ADAM12: variants seen among roughly 807,000 people sequenced by gnomAD.
ADAM12 encodes ADAM metallopeptidase domain 12.
Under a neutral mutation model 106.4 loss-of-function variants are expected in ADAM12, and 70 were observed. The ratio of observed to expected loss-of-function variants is 0.66; its 90% CI spans 0.54 to 0.80. ADAM12 has a LOEUF of 0.80. Among genes scored for constraint, ADAM12 ranks in the 30% least tolerant of loss-of-function variants. ADAM12 has a pLI of 0.00. For synonymous variants in ADAM12, 420 were observed against 433.5 expected (o/e 0.97, Z 0.39); for missense variants, 1,010 against 1,171.9 (o/e 0.86, Z 2.02).
At chr10:126,128,111 G>A (rs1209041759) in intron 5 of ADAM12, among the ~76,000 whole-genome samples, 1 of 152,154 alleles carries the variant, frequency 6.6e-6, no homozygotes, top group Non-Finnish European at 1.5e-5. Flanking sequence ...GAGAGGCCAT[G>A]AGGAAGTCAC....
chr10:126,065,896 GC>G (rs1486750468), intron 13 of ADAM12, among the ~76,000 whole-genome samples: 1 of 152,136 alleles, frequency 6.6e-6, no homozygotes, highest in African/African-American at 2.4e-5. Flanking sequence ...GTTACTGGGA[GC>G]CAGGGAGAGC....
chr10:126,272,783 C>T, intron 3 of ADAM12: 2 of 313,404 alleles, frequency 6.4e-6, no homozygotes, highest in South Asian at 3.1e-5. Flanking sequence ...GTGCTGCCTC[C>T]AGGGGAGCCC....
At chr10:126,342,190 T>C (rs983607451) in intron 1 of ADAM12, among the ~76,000 whole-genome samples, 4 of 152,142 alleles carry the variant, frequency 2.6e-5, no homozygotes, top group East Asian at 1.9e-4. Flanking sequence ...ACTGCAATGA[T>C]TGGAATCACA....
chr10:126,258,289 A>G (rs11244911), intron 3 of ADAM12, among the ~76,000 whole-genome samples: 46,396 of 152,018 alleles, frequency 0.31, 7,478 homozygotes, highest in South Asian at 0.47. Flanking sequence ...ACAGTTTTCT[A>G]GACTATCACT....
chr10:126,083,372 C>G (rs1015192713), intron 11 of ADAM12, among the ~76,000 whole-genome samples: 1 of 152,228 alleles, frequency 6.6e-6, no homozygotes, highest in Non-Finnish European at 1.5e-5. Context: ...CACACCGTCT[C>G]GAGGGCTATC....
intron 3 of ADAM12, among the ~76,000 whole-genome samples, chr10:126,157,297 G>A (rs1200103305): frequency 6.6e-6 from 1 of 152,222 alleles, no homozygotes; most frequent in Non-Finnish European, 1.5e-5. Flanking sequence ...CATGGGGCCT[G>A]CTCCGCCTCT....
chr10:126,074,725 A>G (rs1955065294), intron 11 of ADAM12, among the ~76,000 whole-genome samples: 1 of 152,178 alleles, frequency 6.6e-6, no homozygotes, highest in Admixed American at 6.5e-5. Flanking sequence ...CGGGTTTTCA[A>G]CCTTGCTCTG....
chr10:126,196,605 C>T (rs979303821), intron 3 of ADAM12, among the ~76,000 whole-genome samples: 1 of 152,178 alleles, frequency 6.6e-6, no homozygotes, highest in Non-Finnish European at 1.5e-5. Context: ...ATGTTGGATG[C>T]TAGGTGGGAT....
chr10:126,180,576 A>T (rs1957295218), intron 3 of ADAM12, among the ~76,000 whole-genome samples: 1 of 152,204 alleles, frequency 6.6e-6, no homozygotes, highest in Non-Finnish European at 1.5e-5. Flanking sequence ...TTTTTCTAAA[A>T]AAAAGATAAG....
intron 3 of ADAM12, among the ~76,000 whole-genome samples, chr10:126,182,619 C>T (rs886525193): frequency 1.1e-4 from 16 of 152,140 alleles, no homozygotes; most frequent in Non-Finnish European, 2.4e-4. Context: ...AGAGCCTGTG[C>T]CAGGATGTGA....
At chr10:126,029,384 T>A (rs1429961548) in intron 21 of ADAM12, among the ~76,000 whole-genome samples, 5 of 152,192 alleles carry the variant, frequency 3.3e-5, no homozygotes, top group African/African-American at 9.7e-5. Context: ...GTGGTAAATA[T>A]ACACCATGGA....
intron 21 of ADAM12, among the ~76,000 whole-genome samples, chr10:126,026,236 AAAAG>A (rs1438812411): frequency 2.6e-5 from 4 of 152,252 alleles, no homozygotes; most frequent in African/African-American, 9.6e-5. Flanking sequence ...AAAGATCAAA[AAAAG>A]AAAAGGGCAT....
At position 126,289,378 on chromosome 10, in the gene ADAM12, G is replaced by A. The variant is rs150505984; in HGVS notation, c.187-10390C>T. Among the ~76,000 whole-genome samples the A allele has an allele frequency of 3.4e-3, 513 of 152,350 alleles. 1 individual carries two copies. The highest frequency in any genetic ancestry group is 0.01 in the Middle Eastern group (3 of 294). On this transcript the variant is annotated intron_variant, in intron 2 of 22. Transcript: ENST00000448723. ...GGGATGAGTCTTTCCTGTCAGCCAC[G>A]TACCACCTGGGCTCATAAGGACCAC...
At chr10:126,252,302 G>GGGAT (rs1590686768) in intron 3 of ADAM12, among the ~76,000 whole-genome samples, 1 of 151,382 alleles carries the variant, frequency 6.6e-6, no homozygotes, top group African/African-American at 2.4e-5. Context: ...TGGAATGGAT[G>GGGAT]GGATGGATGG....
chr10:126,285,156 A>C (rs1959791921), intron 2 of ADAM12, among the ~76,000 whole-genome samples: 1 of 152,184 alleles, frequency 6.6e-6, no homozygotes, highest in African/African-American at 2.4e-5. Context: ...CATTCTAGAG[A>C]GGAAAGGACC....
At chr10:126,027,721 A>C (rs2133384375) in intron 21 of ADAM12, among the ~76,000 whole-genome samples, 1 of 152,350 alleles carries the variant, frequency 6.6e-6, no homozygotes, top group African/African-American at 2.4e-5. Flanking sequence ...ACCTCAAAAT[A>C]ATAGCCATCT....
intron 18 of ADAM12, chr10:126,041,204 G>C: frequency 2.7e-6 from 1 of 374,314 alleles, no homozygotes; most frequent in Non-Finnish European, 3.7e-6. Context: ...CAGGACCCAG[G>C]AGAGTGGCTG....
At chr10:126,105,459 C>T (rs117194835) in intron 8 of ADAM12, among the ~76,000 whole-genome samples, 2,358 of 152,240 alleles carry the variant, frequency 0.015, 77 homozygotes, top group East Asian at 0.079. Flanking sequence ...TGGTCCAACT[C>T]GCTCACCTTG....
At chr10:126,234,978 T>A (rs1001998348) in intron 3 of ADAM12, among the ~76,000 whole-genome samples, 1 of 152,188 alleles carries the variant, frequency 6.6e-6, no homozygotes, top group Non-Finnish European at 1.5e-5. Flanking sequence ...CCAGGTCTGA[T>A]GCTGCAGGTG....
Sources: allele counts gnomAD v4.1 joint callset (sites outside exome capture counted in the v4.1 genomes callset), GRCh38; gene constraint gnomAD v4.1.1; transcripts MANE v1.5; gene names NCBI Gene and HGNC (gene_info 2026-07-23, HGNC 2026-07-21).